PRICKLE2: variants seen among roughly 807,000 people sequenced by gnomAD.
PRICKLE2 encodes prickle planar cell polarity protein 2, also known as prickle-like protein 2.
PRICKLE2 carries 21 observed loss-of-function variants against 81.4 expected under a neutral mutation model. The observed-to-expected ratio is 0.26, with a 90% CI of 0.18 to 0.37. The LOEUF (loss-of-function observed/expected upper bound fraction) is 0.37, where lower values mean the gene tolerates loss of function less well. Among genes scored for constraint, PRICKLE2 ranks in the 10% least tolerant of loss-of-function variants. PRICKLE2 has a pLI of 1.00. For synonymous variants in PRICKLE2, 456 were observed against 421.5 expected (o/e 1.08, Z -1.00); for missense variants, 940 against 1,109.0 (o/e 0.85, Z 2.16).
In PRICKLE2 at chr3:64,147,162, C is replaced by T. The variant is rs370412590; in HGVS notation, c.1328G>A (p.Gly443Asp). Residue 443 changes from glycine (G) to aspartate (D), a missense_variant, in exon 7 of 8, where the codon GGC becomes GAC. By Grantham distance (94) the Gly-to-Asp change is moderately conservative. Coordinates refer to ENST00000638394, the MANE Select transcript of PRICKLE2 (RefSeq NM_198859.4). The surrounding 1 kb of genome is among the most constrained non-coding windows in gnomAD (Gnocchi z 5.0). ...CCTTTTGGGGTTGCTGAAGTGCTTG[C>T]CCCACATTTCGGGCTGGGCCCCAGC... ...QGAGAQPEMW[G>D]KHFSNPKRSS... The T allele has an allele frequency of 2.5e-6, 4 of 1,613,984 alleles. No individual in the cohort carries two copies. The highest frequency in any genetic ancestry group is 3.3e-5 in the Admixed American group (2 of 60,010).
rs57932723 is a variant in PRICKLE2 at position 64,239,952 on chromosome 3, CAAAAAAAAA to C, written c.129-40994_129-40986del. On this transcript the variant is annotated intron_variant, in intron 2 of 8. Coordinates refer to the PRICKLE2 transcript ENST00000295902. ...CAACATGACAAAACCCCATCGCTACCAAAAAAAAAAAAAAAAAAAAAAAAAAAAATTAGC... is the reference window on the plus strand; with the variant it reads ...CAACATGACAAAACCCCATCGCTACCAAAAAAAAAAAAAAAAAAAATTAGC... Among the ~76,000 whole-genome samples, 29 of 32,246 alleles carry C rather than the reference CAAAAAAAAA, an allele frequency of 9.0e-4. No individual in the cohort carries two copies. In the East Asian group the frequency reaches 0.018, roughly 21 times the overall value. 21.2% of individuals were successfully genotyped at this position (32,246 alleles called of 152,430 possible). A position where few individuals can be genotyped will look rare whatever the true frequency, so the allele number is the denominator to read the frequency against.
chr3:64,127,634 A>C (rs1409141775), intron 7 of PRICKLE2, among the ~76,000 whole-genome samples: 2 of 151,934 alleles, frequency 1.3e-5, no homozygotes, highest in Non-Finnish European at 2.9e-5. Flanking sequence ...TCAGCTGGGG[A>C]GCTCTTCTGC....
intron 2 of PRICKLE2, among the ~76,000 whole-genome samples, chr3:64,259,990 C>CT (rs1458314056): frequency 1.3e-5 from 2 of 152,140 alleles, no homozygotes; most frequent in African/African-American, 4.8e-5. Context: ...ACAGCAGCAT[C>CT]TAAAGAGAGT....
upstream of PRICKLE2, among the ~76,000 whole-genome samples, chr3:64,229,872 G>C (rs559947460): frequency 6.6e-6 from 1 of 152,328 alleles, no homozygotes; most frequent in South Asian, 2.1e-4. Flanking sequence ...AGTTGGTCTA[G>C]CATAGGTGAT....
chr3:64,161,264 T>C (rs2107042237), intron 3 of PRICKLE2, among the ~76,000 whole-genome samples: 1 of 152,328 alleles, frequency 6.6e-6, no homozygotes, highest in Non-Finnish European at 1.5e-5. Flanking sequence ...CATGTCCACA[T>C]AACACTCAGA....
chr3:64,155,472 A>C (rs2077619633), intron 5 of PRICKLE2, among the ~76,000 whole-genome samples: 1 of 152,148 alleles, frequency 6.6e-6, no homozygotes, highest in African/African-American at 2.4e-5. Flanking sequence ...TTTGGAAGAC[A>C]ATTTGGCATT....
intron 6 of PRICKLE2, among the ~76,000 whole-genome samples, chr3:64,148,782 CA>C (rs946409379): frequency 5.9e-5 from 9 of 152,102 alleles, no homozygotes; most frequent in African/African-American, 2.2e-4. Flanking sequence ...ATCCAGGAAA[CA>C]AAAAACAGGC....
chr3:64,248,259 A>G (rs2079389186), intron 2 of PRICKLE2, among the ~76,000 whole-genome samples: 1 of 152,192 alleles, frequency 6.6e-6, no homozygotes, highest in East Asian at 1.9e-4. Context: ...CTCCTCTTCA[A>G]TGCTCCTTAT....
chr3:64,266,290 C>T (rs990979532), intron 2 of PRICKLE2, among the ~76,000 whole-genome samples: 2 of 152,108 alleles, frequency 1.3e-5, no homozygotes, highest in African/African-American at 4.8e-5. Context: ...TGAAAAGCAG[C>T]CACAATTTGT....
At chr3:64,208,370 A>AC (rs1405530609) in intron 1 of PRICKLE2, among the ~76,000 whole-genome samples, 6 of 152,078 alleles carry the variant, frequency 3.9e-5, no homozygotes, top group African/African-American at 1.4e-4. Context: ...GGATCATGTG[A>AC]CCCCCACACA....
chr3:64,108,669 G>T (rs1031579404), intron 7 of PRICKLE2, among the ~76,000 whole-genome samples: 1 of 152,130 alleles, frequency 6.6e-6, no homozygotes, highest in African/African-American at 2.4e-5. Context: ...ATCCACATTT[G>T]AACGAGATCC....
intron 7 of PRICKLE2, among the ~76,000 whole-genome samples, chr3:64,125,691 ATAGAC>A (rs1341522879): frequency 6.6e-6 from 1 of 152,280 alleles, no homozygotes; most frequent in Admixed American, 6.5e-5. Flanking sequence ...CGCACACTTA[ATAGAC>A]TACAGTATAA....
At chr3:64,252,756 C>T (rs570112936) in intron 2 of PRICKLE2, among the ~76,000 whole-genome samples, 11 of 152,292 alleles carry the variant, frequency 7.2e-5, no homozygotes, top group African/African-American at 2.6e-4. Context: ...AGGGGTAAAA[C>T]CTCACTGGAT....
In PRICKLE2 at chr3:64,207,159, C is replaced by T. The variant is rs529283581; in HGVS notation, c.-40-8192G>A. Among the ~76,000 whole-genome samples the T allele has an allele frequency of 2.0e-5, 3 of 152,274 alleles. No individual in the cohort carries two copies. The South Asian group carries it at 6.2e-4, about 32-fold the overall frequency. On this transcript the variant is annotated intron_variant, in intron 1 of 7. Coordinates refer to ENST00000638394, the MANE Select transcript of PRICKLE2 (RefSeq NM_198859.4). ...AAGCAATCCTCCTGACTCAGCCTTCCAAAGTGCTGGGATTACAGGCATGAG... is the reference window on the plus strand; with the variant it reads ...AAGCAATCCTCCTGACTCAGCCTTCTAAAGTGCTGGGATTACAGGCATGAG...
At chr3:64,194,457 G>A (rs1371541705) in intron 2 of PRICKLE2, 1 of 152,210 alleles carries the variant, frequency 6.6e-6, no homozygotes, top group Non-Finnish European at 1.5e-5. Flanking sequence ...GTAACGTCTG[G>A]AGACATGTTT....
chr3:64,175,872 G>T (rs188623853), intron 2 of PRICKLE2, among the ~76,000 whole-genome samples: 5 of 152,246 alleles, frequency 3.3e-5, no homozygotes, highest in African/African-American at 1.2e-4. Context: ...AACAAAACTA[G>T]AAATTATAAT....
intron 6 of PRICKLE2, among the ~76,000 whole-genome samples, chr3:64,150,771 G>T (rs527985729): frequency 1.3e-5 from 2 of 152,290 alleles, no homozygotes; most frequent in South Asian, 4.1e-4. Context: ...GCAGCAGCAA[G>T]GGCCTAGTTC....
Position 64,147,476 on chromosome 3 carries a change from G to A in PRICKLE2, c.1014C>T (p.Ala338=). ...NARAKESRRS[A]KIGKNKGKTE... ...TCTTGCCCTTGTTCTTGCCAATTTT[G>A]GCACTGCGCCGGGACTCCTTGGCCC... Residue 338 remains alanine (A), a synonymous_variant, in exon 7 of 8, where the codon GCC becomes GCT. Transcript: ENST00000638394. The surrounding 1 kb of genome is among the most constrained non-coding windows in gnomAD (Gnocchi z 5.0). 1 of 1,614,238 alleles carries A rather than the reference G, an allele frequency of 6.2e-7. No individual in the cohort carries two copies. Among genetic ancestry groups the A allele is most frequent in the Non-Finnish European group, 8.5e-7 (1 of 1,180,052 alleles).
chr3:64,240,342 A>T (rs543352251), intron 2 of PRICKLE2, among the ~76,000 whole-genome samples: 3 of 152,308 alleles, frequency 2.0e-5, no homozygotes, highest in African/African-American at 7.2e-5. Flanking sequence ...GGATTAAACA[A>T]GCTACAGCTC....
Sources: allele counts gnomAD v4.1 joint callset (sites outside exome capture counted in the v4.1 genomes callset), GRCh38; gene constraint gnomAD v4.1.1; non-coding constraint Gnocchi (gnomAD v3.1); transcripts MANE v1.5; gene names NCBI Gene and HGNC (gene_info 2026-07-23, HGNC 2026-07-21).